SRPK2: variants seen among roughly 807,000 people sequenced by gnomAD.
The protein encoded by SRPK2 is SRSF protein kinase 2.
A neutral mutation model predicts 90.8 loss-of-function variants in SRPK2; 21 were observed. The ratio of observed to expected loss-of-function variants is 0.23; its 90% confidence interval spans 0.16 to 0.33. SRPK2 has a LOEUF of 0.33. Ranked by LOEUF, SRPK2 falls within the 10% of genes least tolerant of loss-of-function variation. The pLI, the probability that SRPK2 is intolerant of heterozygous loss-of-function variation, is 1.00. For missense variants in SRPK2, 620 were observed against 869.0 expected (o/e 0.71, Z 3.60); for synonymous variants, 288 against 311.1 (o/e 0.93, Z 0.78).
chr7:105,327,850 G>A (rs946121961), intron 2 of SRPK2, among the ~76,000 whole-genome samples: 11 of 152,214 alleles, frequency 7.2e-5, no homozygotes, highest in African/African-American at 2.7e-4. Flanking sequence ...ACCCAGGCTG[G>A]AGTGCAGTGG....
At position 105,159,199 on chromosome 7, in the gene SRPK2, T is replaced by C. The variant is rs575772434; in HGVS notation, c.621+1308A>G. ...TACAGAATAAGCTGCCAATTTTCCATACAAGGCTGGGTGCAGTGGTTCACA... is the reference window on the plus strand; with the variant it reads ...TACAGAATAAGCTGCCAATTTTCCACACAAGGCTGGGTGCAGTGGTTCACA... On this transcript the variant is annotated intron_variant, in intron 7 of 15. Coordinates refer to ENST00000393651, the MANE Select transcript of SRPK2 (RefSeq NM_182692.3). 2.6e-5 allele frequency among the ~76,000 whole-genome samples: 4 copies of C among 151,982 alleles called. No homozygotes were observed. The South Asian group carries it at 8.3e-4, about 32-fold the overall frequency.
At position 105,118,039 on chromosome 7, in the gene SRPK2, A is replaced by G. The variant is rs1167368083; in HGVS notation, c.1916-17T>C. 1 of 1,608,494 alleles carries G rather than the reference A, an allele frequency of 6.2e-7. No individual in the cohort carries two copies. Among genetic ancestry groups the G allele is most frequent in the African/African-American group, 1.3e-5 (1 of 74,642 alleles). On this transcript the variant is annotated splice_polypyrimidine_tract_variant and intron_variant, in intron 15 of 15. Transcript: ENST00000393651. ...GCAGTTCTCCTACAGGGGAAAAAAC[A>G]GGCCAATGTCAAGAAAGCTCCAAAT...
intron 3 of SRPK2, among the ~76,000 whole-genome samples, chr7:105,183,089 C>A (rs907293927): frequency 2.0e-5 from 3 of 152,174 alleles, no homozygotes; most frequent in Non-Finnish European, 2.9e-5. Flanking sequence ...AAGCTCCATA[C>A]ATTTACAAAG....
intron 2 of SRPK2, among the ~76,000 whole-genome samples, chr7:105,331,401 A>G (rs67909511): frequency 0.42 from 62,905 of 150,534 alleles, 15,145 homozygotes; most frequent in Non-Finnish European, 0.54. Context: ...AAAAGTTCAG[A>G]TATATCAAAG....
In SRPK2 at chr7:105,223,117, G is replaced by A. The variant is rs143073197; in HGVS notation, c.72-19332C>T. 5.9e-5 allele frequency among the ~76,000 whole-genome samples: 9 copies of A among 152,292 alleles called. No homozygotes were observed. The South Asian group carries it at 8.3e-4, about 14-fold the overall frequency. On this transcript the variant is annotated intron_variant, in intron 2 of 15. Coordinates refer to ENST00000393651, the MANE Select transcript of SRPK2 (RefSeq NM_182692.3). Reference sequence around the variant, plus strand: ...AGGGCCTCAGCCCAGGGCCCCAGTCGAGGAACGGCATGTTGGGACCACAAG... The same window carrying A: ...AGGGCCTCAGCCCAGGGCCCCAGTCAAGGAACGGCATGTTGGGACCACAAG...
rs192224299 is a variant in SRPK2, at chr7:105,365,921, C to T, written c.71+22727G>A. On this transcript the variant is annotated intron_variant, in intron 2 of 15. Coordinates refer to ENST00000393651, the MANE Select transcript of SRPK2 (RefSeq NM_182692.3). ...GACAGGCTGGAGTGCATGGCGCGAT[C>T]TCGGCTCACTGCAACCGCTGCCTCC... Among the ~76,000 whole-genome samples the T allele has an allele frequency of 1.8e-3, 280 of 151,526 alleles. 1 individual carries two copies. The highest frequency in any genetic ancestry group is 6.5e-3 in the African/African-American group (270 of 41,296).
At chr7:105,247,494 G>T (rs76048259) in intron 2 of SRPK2, among the ~76,000 whole-genome samples, 2 of 136,982 alleles carry the variant, frequency 1.5e-5, no homozygotes, top group African/African-American at 5.3e-5. Flanking sequence ...AAATAACACC[G>T]GAGTGCCATA....
rs553305828 is a variant in SRPK2 at position 105,387,889 on chromosome 7, G to C, written c.71+759C>G. ...GGCAGCGGCCCCCCTGCTCGGGTGA[G>C]CGGCCAGGCTGGAGGTGGCCGCCAC... On this transcript the variant is annotated intron_variant, in intron 2 of 15. Coordinates refer to ENST00000393651, the MANE Select transcript of SRPK2 (RefSeq NM_182692.3). 9.8e-5 allele frequency among the ~76,000 whole-genome samples: 15 copies of C among 152,348 alleles called. No individual in the cohort carries two copies. The South Asian group carries it at 3.1e-3, about 32-fold the overall frequency.
intron 2 of SRPK2, among the ~76,000 whole-genome samples, chr7:105,371,496 A>G (rs1819678820): frequency 6.6e-6 from 1 of 151,698 alleles, no homozygotes; most frequent in African/African-American, 2.4e-5. Context: ...TCACGTCTGT[A>G]ATCCCAGCAC....
chr7:105,359,785 C>T (rs1818221027), intron 2 of SRPK2, among the ~76,000 whole-genome samples: 1 of 152,096 alleles, frequency 6.6e-6, no homozygotes, highest in Admixed American at 6.6e-5. Flanking sequence ...TTCATGATTT[C>T]CTTGACTATA....
At chr7:105,310,437 G>A (rs1811580121) in intron 2 of SRPK2, among the ~76,000 whole-genome samples, 1 of 152,082 alleles carries the variant, frequency 6.6e-6, no homozygotes, top group South Asian at 2.1e-4. Context: ...GAGCTCAGGA[G>A]TTCAAGACCA....
At chr7:105,271,510 C>A (rs1805827483) in intron 2 of SRPK2, among the ~76,000 whole-genome samples, 1 of 152,232 alleles carries the variant, frequency 6.6e-6, no homozygotes, top group African/African-American at 2.4e-5. Flanking sequence ...ATGCTACCAT[C>A]AACTCCTCCC....
rs1456317009 is a variant in SRPK2, at chr7:105,142,218, A to G, written c.1333T>C (p.Phe445Leu). 1.9e-6 allele frequency: 3 copies of G among 1,614,050 alleles called. No homozygotes were observed. The Admixed American group carries it at 5.0e-5, about 27-fold the overall frequency. Residue 445 changes from phenylalanine to leucine, a missense_variant, in exon 11 of 16, where the codon TTC becomes CTC. Phe to Leu is a conservative substitution (Grantham distance 22). Around this residue, in one of 8 missense-constraint regions of SRPK2, gnomAD observed 243 missense variants for 245.7 expected, o/e 0.99. Transcript: ENST00000393651. Reference protein sequence around the residue: ...DYTYSSSYEQFNGELPNGRHK... With the variant: ...DYTYSSSYEQLNGELPNGRHK... The stretch of plus-strand genomic sequence containing the variant: ...CGTCCATTTGGCAATTCACCATTGA[A>G]TTGTTCATAGGAGCTGCTATATGTG...
intron 2 of SRPK2, among the ~76,000 whole-genome samples, chr7:105,328,911 T>G (rs1348905035): frequency 6.6e-6 from 1 of 150,804 alleles, no homozygotes; most frequent in East Asian, 1.9e-4. Context: ...CCAGATGCAG[T>G]GACATGTACC....
intron 2 of SRPK2, among the ~76,000 whole-genome samples, chr7:105,367,860 T>C (rs996008468): frequency 1.3e-5 from 2 of 152,292 alleles, no homozygotes; most frequent in African/African-American, 2.4e-5. Context: ...ATTTCTAGGG[T>C]ACATAGTTCA....
intron 2 of SRPK2, among the ~76,000 whole-genome samples, chr7:105,213,225 G>C (rs1053569142): frequency 6.6e-6 from 1 of 152,198 alleles, no homozygotes; most frequent in South Asian, 2.1e-4. Context: ...GGATGAAGAA[G>C]GGAAGGGGTT....
Position 105,159,466 on chromosome 7 carries a change from A to C in SRPK2, c.621+1041T>G, listed in dbSNP as rs75852176. ...CCGTCTCCAAAAAAAAAAAAAAAAA[A>C]AAAAAAACCGTACAAAAGGAAGAAG... On this transcript the variant is annotated intron_variant, in intron 7 of 15. Transcript: ENST00000393651. Among the ~76,000 whole-genome samples the C allele has an allele frequency of 6.8e-4, 78 of 114,284 alleles. 1 individual carries two copies. The highest frequency in any genetic ancestry group is 2.8e-3 in the East Asian group (12 of 4,222). The allele number at this position is 114,284 out of a possible 152,430, so 75.0% of individuals were successfully genotyped here.
chr7:105,365,259 T>C (rs892576241), intron 2 of SRPK2, among the ~76,000 whole-genome samples: 1 of 151,252 alleles, frequency 6.6e-6, no homozygotes, highest in African/African-American at 2.4e-5. Flanking sequence ...CTGAGGCGGG[T>C]GGATCACCTG....
Position 105,388,797 on chromosome 7 carries a change from G to T in SRPK2, c.10C>A (p.Arg4=). ...CGCGCCGCGGGCCACTCACCTTTCC[G>T]GGAGCTCATTCCGACGCGGCGGAAG... MSS[R]KVLAIQARKR... The change falls in exon 1 of 16, where the codon CGG becomes AGG. Residue 4 remains arginine, a synonymous_variant. Transcript: ENST00000393651. 6.8e-7 allele frequency: 1 copy of T among 1,470,496 alleles called. No individual in the cohort carries two copies. Among genetic ancestry groups the T allele is most frequent in the East Asian group, 2.8e-5 (1 of 35,830 alleles). The allele number at this position is 1,470,496 out of a possible 1,614,324, so 91.1% of individuals were successfully genotyped here.
Sources: allele counts gnomAD v4.1 joint callset (sites outside exome capture counted in the v4.1 genomes callset), GRCh38; gene constraint gnomAD v4.1.1; regional missense constraint gnomAD v4.1.1; transcripts MANE v1.5; gene names NCBI Gene and HGNC (gene_info 2026-07-23, HGNC 2026-07-21).